GNPTAB: variants seen among roughly 807,000 people sequenced by gnomAD.
GNPTAB encodes N-acetylglucosamine-1-phosphotransferase subunits alpha/beta.
Under a neutral mutation model 136.6 loss-of-function variants are expected in GNPTAB, and 92 were observed. That is an observed-to-expected ratio of 0.67 (90% CI 0.57 to 0.80). The LOEUF (loss-of-function observed/expected upper bound fraction) is 0.80, where lower values mean the gene tolerates loss of function less well. Among genes scored for constraint, GNPTAB ranks in the 30% least tolerant of loss-of-function variants. The probability of loss-of-function intolerance (pLI) is 0.00; values close to 1 mark genes in which losing one functional copy is unlikely to be tolerated. For synonymous variants in GNPTAB, 512 were observed against 535.1 expected, an observed-to-expected ratio of 0.96 and a Z score of 0.60; for missense variants, 1,343 against 1,501.8, an observed-to-expected ratio of 0.89 and a Z score of 1.75.
chr12:101,758,077 C>T (rs138782878), intron 16 of GNPTAB, among the ~76,000 whole-genome samples: 14 of 147,156 alleles, frequency 9.5e-5, no homozygotes, highest in South Asian at 2.1e-4. Flanking sequence ...CTCACTCTAT[C>T]GCCCAGGCTG....
chr12:101,798,217 CT>C (rs1443682690), intron 1 of GNPTAB, among the ~76,000 whole-genome samples: 1 of 152,188 alleles, frequency 6.6e-6, no homozygotes, highest in Admixed American at 6.5e-5. Flanking sequence ...GAAATGTTTT[CT>C]TGGTTTTCCC....
At chr12:101,748,348 G>A (rs1192353173) in intron 20 of GNPTAB, among the ~76,000 whole-genome samples, 1 of 152,196 alleles carries the variant, frequency 6.6e-6, no homozygotes, top group Non-Finnish European at 1.5e-5. Context: ...AGCTAGAAAA[G>A]CTCCACTCAA....
intron 16 of GNPTAB, among the ~76,000 whole-genome samples, chr12:101,758,530 C>T (rs1228426206): frequency 1.3e-5 from 2 of 152,202 alleles, no homozygotes; most frequent in East Asian, 3.8e-4. Flanking sequence ...AGAGCAAGTT[C>T]CTTTAAGGCT....
chr12:101,786,080 A>G lies in GNPTAB; in HGVS notation c.503T>C (p.Phe168Ser). 1 of 1,614,142 alleles carries G rather than the reference A, an allele frequency of 6.2e-7. No individual in the cohort carries two copies. The highest frequency in any genetic ancestry group is 8.5e-7 in the Non-Finnish European group (1 of 1,179,988). Reference protein sequence around the residue: ...YPSFHSASDIFNVAKPKNPST... With the variant: ...YPSFHSASDISNVAKPKNPST... ...AGGGTTTTTTGGTTTTGCAACATTG[A>G]AAATGTCACTGGCAGAATGAAAAGA... is the stretch of plus-strand genomic sequence containing the variant. The change falls in exon 5 of 21, where the codon TTC (phenylalanine) becomes TCC (serine). Residue 168 changes from phenylalanine (F) to serine (S), a missense_variant. Transcript: ENST00000299314.
intron 18 of GNPTAB, among the ~76,000 whole-genome samples, chr12:101,755,066 T>C (rs60673527): frequency 0.011 from 1,712 of 152,236 alleles, 41 homozygotes; most frequent in African/African-American, 0.039. Flanking sequence ...AAGGAATCAT[T>C]ATTGATTTTT....
At chr12:101,759,795 A>G (rs1952964582) in intron 16 of GNPTAB, among the ~76,000 whole-genome samples, 3 of 152,238 alleles carry the variant, frequency 2.0e-5, no homozygotes, top group African/African-American at 4.8e-5. Flanking sequence ...AGTAAACAGG[A>G]CATCCGCTTA....
At chr12:101,809,597 T>C (rs1958334978) in intron 1 of GNPTAB, among the ~76,000 whole-genome samples, 1 of 152,184 alleles carries the variant, frequency 6.6e-6, no homozygotes, top group South Asian at 2.1e-4. Flanking sequence ...CATCAAGTCA[T>C]GAAGAGACAT....
intron 2 of GNPTAB, 32 bp downstream of exon 2, chr12:101,796,645 C>G: frequency 7.1e-7 from 1 of 1,413,052 alleles, no homozygotes; most frequent in East Asian, 2.3e-5. Flanking sequence ...GATTTAGGTC[C>G]AAATAATAGA....
rs145586576 is a variant in GNPTAB at position 101,766,274 on chromosome 12, A to C, written c.1429T>G (p.Tyr477Asp). 713 of 1,613,670 alleles carry C rather than the reference A, an allele frequency of 4.4e-4. No individual in the cohort carries two copies. The highest frequency in any genetic ancestry group is 1.5e-3 in the Admixed American group (92 of 60,004). ...DCSGNSGGSR[Y>D]IAGGGGTGSI... The stretch of plus-strand genomic sequence containing the variant: ...CCAGTACCTCCACCTCCTGCAATAT[A>C]GCGACTCCCTCCACTGTTTCCTGTA... Residue 477 changes from tyrosine (Y) to aspartate (D), a missense_variant, in exon 12 of 21, where the codon TAT becomes GAT. By Grantham distance (160) the Tyr-to-Asp change is radical. Transcript: ENST00000299314.
chr12:101,766,001 T>C, intron 12 of GNPTAB, 90 bp downstream of exon 12: 1 of 1,061,762 alleles, frequency 9.4e-7, no homozygotes, highest in Non-Finnish European at 1.5e-6. Context: ...AGAGAATCAT[T>C]ATTTTAAATA....
intron 1 of GNPTAB, among the ~76,000 whole-genome samples, chr12:101,822,924 C>G (rs760721309): frequency 2.0e-5 from 3 of 152,236 alleles, no homozygotes; most frequent in Non-Finnish European, 4.4e-5. Context: ...CATCACTTAT[C>G]TATTCTTCTT....
rs765160666 is a variant in GNPTAB at position 101,785,997 on chromosome 12, A to T, written c.571+15T>A. Reference sequence around the variant, plus strand: ...ATGATAACATGATTTTAAAATATCCATAAAAAGATCTTACCATCCTTAGTA... The same window carrying T: ...ATGATAACATGATTTTAAAATATCCTTAAAAAGATCTTACCATCCTTAGTA... On this transcript the variant is annotated intron_variant, in intron 5 of 20. Coordinates refer to ENST00000299314, the MANE Select transcript of GNPTAB (RefSeq NM_024312.5). 5 of 1,563,052 alleles carry T rather than the reference A, an allele frequency of 3.2e-6. No individual in the cohort carries two copies. Among genetic ancestry groups the T allele is most frequent in the Admixed American group, 1.7e-5 (1 of 59,846 alleles).
intron 5 of GNPTAB, among the ~76,000 whole-genome samples, chr12:101,781,007 A>G (rs962457537): frequency 2.0e-5 from 3 of 152,230 alleles, no homozygotes; most frequent in African/African-American, 7.2e-5. Context: ...CTAGGAAACA[A>G]GGGTAACCAA....
chr12:101,817,007 G>A (rs2137181450), intron 1 of GNPTAB, among the ~76,000 whole-genome samples: 1 of 152,304 alleles, frequency 6.6e-6, no homozygotes, highest in Non-Finnish European at 1.5e-5. Flanking sequence ...ATCTCATGGA[G>A]GTAGAGAATA....
At chr12:101,801,584 A>G (rs1869639988) in intron 1 of GNPTAB, among the ~76,000 whole-genome samples, 1 of 150,862 alleles carries the variant, frequency 6.6e-6, no homozygotes, top group Non-Finnish European at 1.5e-5. Context: ...AAAAATTTAA[A>G]AAAGAGCAAG....
chr12:101,764,130 C>T, intron 13 of GNPTAB, 72 bp downstream of exon 13: 1 of 1,598,134 alleles, frequency 6.3e-7, no homozygotes, highest in Non-Finnish European at 8.6e-7. Flanking sequence ...TAAATGGTAG[C>T]TATAATGATA....
At position 101,764,789 on chromosome 12, in the gene GNPTAB, T is replaced by G. The variant is rs1338756396; in HGVS notation, c.2128A>C (p.Ser710Arg). The G allele has an allele frequency of 6.2e-7, 1 of 1,614,094 alleles. No individual in the cohort carries two copies. Among genetic ancestry groups the G allele is most frequent in the Non-Finnish European group, 8.5e-7 (1 of 1,180,022 alleles). ...AGTTGCAAATCCAAGGTATTGAGAC[T>G]CAACTGGGCGTCTTTTGGAAGGAGT... The part of the protein sequence containing the change: ...ISLLPKDAQL[S>R]LNTLDLQLEH... Residue 710 changes from serine (S) to arginine (R), a missense_variant, in exon 13 of 21, where the codon AGT becomes CGT. Physicochemically the swap from Ser to Arg is moderately radical, Grantham distance 110. Transcript: ENST00000299314.
At chr12:101,759,931 G>C in intron 16 of GNPTAB, 99 bp downstream of exon 16, 2 of 780,514 alleles carry the variant, frequency 2.6e-6, no homozygotes, top group Non-Finnish European at 4.7e-6. Flanking sequence ...AAACCATAGA[G>C]CCTGCTGCTA....
At chr12:101,790,331 G>A (rs1868914612) in intron 2 of GNPTAB, among the ~76,000 whole-genome samples, 4 of 152,190 alleles carry the variant, frequency 2.6e-5, no homozygotes, top group Admixed American at 2.6e-4. Flanking sequence ...GCTAATATTA[G>A]ATTTAAAGAT....
Sources: allele counts gnomAD v4.1 joint callset (sites outside exome capture counted in the v4.1 genomes callset), GRCh38; gene constraint gnomAD v4.1.1; transcripts MANE v1.5; gene names NCBI Gene and HGNC (gene_info 2026-07-23, HGNC 2026-07-21).